ZNF676: variants seen among roughly 807,000 people sequenced by gnomAD.
ZNF676 encodes the protein zinc finger protein 676.
A neutral mutation model predicts 6.0 loss-of-function variants in ZNF676; 4 were observed. The ratio of observed to expected loss-of-function variants is 0.67; its 90% CI spans 0.33 to 1.53. The LOEUF (loss-of-function observed/expected upper bound fraction) is 1.53, where lower values mean the gene tolerates loss of function less well. Ranked by LOEUF, ZNF676 falls within the 40% of genes most tolerant of loss-of-function variation. The pLI is 0.06. For synonymous variants in ZNF676, 198 were observed against 223.1 expected (o/e 0.89, Z 1.00); for missense variants, 644 against 679.7 (o/e 0.95, Z 0.58).
At chr19:22,218,799 A>G (rs1446364389), upstream of ZNF676, among the ~76,000 whole-genome samples, 3 of 152,060 alleles carry the variant, frequency 2.0e-5, no homozygotes, top group African/African-American at 7.2e-5. Flanking sequence ...TGGTTTCACT[A>G]TTCTGTTTCA....
chr19:22,252,238 T>C, the ZNF676 span, among the ~76,000 whole-genome samples: 1 of 151,554 alleles, frequency 6.6e-6, no homozygotes, highest in African/African-American at 2.4e-5. Context: ...CTACTAAAAA[T>C]AGAAAAATCA....
chr19:22,196,003 G>C (rs2023962721), intron 1 of ZNF676, among the ~76,000 whole-genome samples: 1 of 152,154 alleles, frequency 6.6e-6, no homozygotes, highest in African/African-American at 2.4e-5. Flanking sequence ...GAGTAATGCT[G>C]TTCTGTCTCT....
chr19:22,241,349 A>G, the ZNF676 span, among the ~76,000 whole-genome samples: 1 of 151,854 alleles, frequency 6.6e-6, no homozygotes, highest in East Asian at 1.9e-4. Context: ...TTGTACACAA[A>G]AGACCCAATC....
intron 2 of ZNF676, among the ~76,000 whole-genome samples, chr19:22,189,812 C>G (rs1217500082): frequency 6.6e-6 from 1 of 151,926 alleles, no homozygotes; most frequent in Non-Finnish European, 1.5e-5. Flanking sequence ...TAAGTCAAAA[C>G]CAAAATGAGA....
chr19:22,258,332 C>T, the ZNF676 span, among the ~76,000 whole-genome samples: 1 of 152,152 alleles, frequency 6.6e-6, no homozygotes, highest in African/African-American at 2.4e-5. Flanking sequence ...AGACTTACAT[C>T]TTCTTCGTGC....
the ZNF676 span, chr19:22,243,276 T>G: frequency 2.6e-5 from 4 of 151,864 alleles, no homozygotes; most frequent in Non-Finnish European, 5.9e-5. Context: ...ATGCTTTATT[T>G]TGGAAGAGCC....
At chr19:22,231,528 G>A in the ZNF676 span, among the ~76,000 whole-genome samples, 2 of 150,542 alleles carry the variant, frequency 1.3e-5, no homozygotes, top group Non-Finnish European at 2.9e-5. Flanking sequence ...TGGCAAGATG[G>A]ATGTAGATAT....
chr19:22,214,954 T>G (rs1283460242), intron 1 of ZNF676, among the ~76,000 whole-genome samples: 1 of 145,502 alleles, frequency 6.9e-6, no homozygotes. Flanking sequence ...GGCAGGAGAA[T>G]GGCGTGAACC....
At chr19:22,187,058 A>G (rs1442934247) in intron 2 of ZNF676, among the ~76,000 whole-genome samples, 1 of 152,222 alleles carries the variant, frequency 6.6e-6, no homozygotes, top group Non-Finnish European at 1.5e-5. Flanking sequence ...CCAAATCAAC[A>G]GAATATACAT....
chr19:22,225,735 A>G, the ZNF676 span, among the ~76,000 whole-genome samples: 1 of 151,788 alleles, frequency 6.6e-6, no homozygotes, highest in African/African-American at 2.4e-5. Flanking sequence ...TGCTCTTCCC[A>G]TTTATGCTTT....
chr19:22,243,433 T>TAG, the ZNF676 span: 1 of 151,990 alleles, frequency 6.6e-6, no homozygotes, highest in African/African-American at 2.4e-5. Context: ...CAGAAATTGG[T>TAG]AGAAGAGGAT....
At chr19:22,187,998 C>G (rs2023861004) in intron 2 of ZNF676, among the ~76,000 whole-genome samples, 1 of 152,040 alleles carries the variant, frequency 6.6e-6, no homozygotes, top group South Asian at 2.1e-4. Flanking sequence ...GGGACTCTTC[C>G]ATAACTCATT....
chr19:22,208,986 C>G (rs948584792), intron 1 of ZNF676, among the ~76,000 whole-genome samples: 1 of 151,874 alleles, frequency 6.6e-6, no homozygotes, highest in Non-Finnish European at 1.5e-5. Context: ...AAAATATGGG[C>G]CGGGTGCAGT....
At chr19:22,224,037 T>C in the ZNF676 span, among the ~76,000 whole-genome samples, 813 of 151,766 alleles carry the variant, frequency 5.4e-3, 5 homozygotes, top group African/African-American at 0.019. Flanking sequence ...TAGAATCTTC[T>C]ATTTATGATT....
Position 22,180,533 on chromosome 19 carries a change from C to G in ZNF676, c.1184G>C (p.Cys395Ser), listed in dbSNP as rs753475297. 6 of 1,610,926 alleles carry G rather than the reference C, an allele frequency of 3.7e-6. No individual in the cohort carries two copies. The Admixed American group carries it at 1.0e-4, about 27-fold the overall frequency. Residue 395 changes from cysteine to serine, a missense_variant, in exon 3 of 3, where the codon TGT becomes TCT. Around this residue, in one of 5 missense-constraint regions of ZNF676, gnomAD observed 306 missense variants for 265.4 expected, o/e 1.15. Transcript: ENST00000397121. ...GTTGGAAGCTTTGCCACATTCTTCA[C>G]ATTTGTAGGGCTTCTCTTCAGCATG... is the stretch of plus-strand genomic sequence containing the variant. ...AIHAEEKPYK[C>S]EECGKASNSS...
the ZNF676 span, among the ~76,000 whole-genome samples, chr19:22,234,634 C>T: frequency 2.0e-5 from 3 of 152,072 alleles, no homozygotes; most frequent in African/African-American, 7.2e-5. Flanking sequence ...CAGGGCTTTG[C>T]TCCAAAATCC....
chr19:22,236,283 A>G, the ZNF676 span, among the ~76,000 whole-genome samples: 2 of 152,246 alleles, frequency 1.3e-5, no homozygotes, highest in Middle Eastern at 3.4e-3. Context: ...CCAATTTTGC[A>G]TTCTGGAACT....
chr19:22,223,909 TAAG>T, the ZNF676 span, among the ~76,000 whole-genome samples: 1 of 152,002 alleles, frequency 6.6e-6, no homozygotes, highest in Non-Finnish European at 1.5e-5. Flanking sequence ...TCATTTTGTG[TAAG>T]AATAGCACAT....
the ZNF676 span, among the ~76,000 whole-genome samples, chr19:22,246,083 AC>A: frequency 6.6e-6 from 1 of 152,180 alleles, no homozygotes; most frequent in Non-Finnish European, 1.5e-5. Context: ...ACACCTTGGT[AC>A]TAAGTTTAGT....
Sources: allele counts gnomAD v4.1 joint callset (sites outside exome capture counted in the v4.1 genomes callset), GRCh38; gene constraint gnomAD v4.1.1; regional missense constraint gnomAD v4.1.1; transcripts MANE v1.5; gene names NCBI Gene and HGNC (gene_info 2026-07-23, HGNC 2026-07-21).